IQSEC1: variants seen among roughly 807,000 people sequenced by gnomAD.
IQSEC1 encodes the protein IQ motif and SEC7 domain-containing protein 1.
IQSEC1 carries 31 observed loss-of-function variants against 91.0 expected under a neutral mutation model. That is an observed-to-expected ratio of 0.34 (90% confidence interval 0.26 to 0.46). IQSEC1 has a LOEUF of 0.46. IQSEC1 is among the 20% of genes least tolerant of loss of function. The probability of loss-of-function intolerance (pLI) is 1.00; values close to 1 mark genes in which losing one functional copy is unlikely to be tolerated. For synonymous variants in IQSEC1, 699 were observed against 662.6 expected, an observed-to-expected ratio of 1.05 and a Z score of -0.84; for missense variants, 1,388 against 1,575.6, an observed-to-expected ratio of 0.88 and a Z score of 2.02.
chr3:13,192,604 G>C (rs1399329977), intron 1 of IQSEC1, among the ~76,000 whole-genome samples: 1 of 152,168 alleles, frequency 6.6e-6, no homozygotes, highest in Non-Finnish European at 1.5e-5. Context: ...TGGGAGAGAG[G>C]CCAGGTGAGT....
intron 1 of IQSEC1, among the ~76,000 whole-genome samples, chr3:12,998,142 G>T (rs1373359669): frequency 6.6e-6 from 1 of 152,186 alleles, no homozygotes; most frequent in Non-Finnish European, 1.5e-5. Flanking sequence ...TTGAGGCTAG[G>T]AGTTCAAGAT....
intron 1 of IQSEC1, among the ~76,000 whole-genome samples, chr3:13,266,146 T>A (rs1404826404): frequency 5.3e-5 from 8 of 152,088 alleles, no homozygotes; most frequent in African/African-American, 1.9e-4. Context: ...ATTTTCCATA[T>A]GAGGAAACAC....
At position 12,900,128 on chromosome 3, in the gene IQSEC1, TATA is replaced by T. The variant is rs747856398; in HGVS notation, c.*852_*854del. 3.1e-5 allele frequency: 30 copies of T among 971,176 alleles called. No homozygotes were observed. The South Asian group carries it at 5.7e-4, about 19-fold the overall frequency. The allele number at this position is 971,176 out of a possible 1,614,324, so 60.2% of individuals were successfully genotyped here. A position where few individuals can be genotyped will look rare whatever the true frequency, so the allele number is the denominator to read the frequency against. Reference sequence around the variant, plus strand: ...ATTTGCTTACCTGAAATAACAGCATTATAATACTATTTATGATAGTATTCTGTT... The same window carrying T: ...ATTTGCTTACCTGAAATAACAGCATTATACTATTTATGATAGTATTCTGTT... On this transcript the variant is annotated 3_prime_UTR_variant, in exon 14 of 14. Transcript: ENST00000613206.
At chr3:12,933,559 C>T (rs1471916373) in intron 3 of IQSEC1, among the ~76,000 whole-genome samples, 2 of 152,266 alleles carry the variant, frequency 1.3e-5, no homozygotes, top group Non-Finnish European at 1.5e-5. Context: ...GCTTTACCCT[C>T]ACCGCCCTGG....
intron 1 of IQSEC1, among the ~76,000 whole-genome samples, chr3:12,955,191 A>G (rs1053140682): frequency 1.3e-5 from 2 of 152,224 alleles, no homozygotes; most frequent in African/African-American, 4.8e-5. Context: ...TGCTGAAAAC[A>G]CTGTCCTGCA....
intron 2 of IQSEC1, among the ~76,000 whole-genome samples, chr3:13,151,946 A>T (rs1707007565): frequency 1.3e-5 from 2 of 152,220 alleles, no homozygotes; most frequent in South Asian, 2.1e-4. Flanking sequence ...AGGCTGGGTG[A>T]CAGAAGCGAA....
intron 2 of IQSEC1, among the ~76,000 whole-genome samples, chr3:13,079,214 G>C (rs1026769267): frequency 1.3e-5 from 2 of 152,196 alleles, no homozygotes; most frequent in Non-Finnish European, 2.9e-5. Context: ...GGCAAGCATA[G>C]GCCACTGGCT....
At chr3:13,270,772 G>T (rs1695578882) in intron 1 of IQSEC1, among the ~76,000 whole-genome samples, 1 of 152,174 alleles carries the variant, frequency 6.6e-6, no homozygotes, top group East Asian at 1.9e-4. Flanking sequence ...TGACAAAATT[G>T]TATATATAAA....
At chr3:13,239,996 G>A (rs988680168) in intron 1 of IQSEC1, among the ~76,000 whole-genome samples, 21 of 152,230 alleles carry the variant, frequency 1.4e-4, no homozygotes, top group Middle Eastern at 6.8e-3. Flanking sequence ...GCCACTTTGC[G>A]CGCACTGGAA....
At chr3:13,118,576 T>G (rs958478656) in intron 2 of IQSEC1, among the ~76,000 whole-genome samples, 1 of 152,200 alleles carries the variant, frequency 6.6e-6, no homozygotes, top group African/African-American at 2.4e-5. Flanking sequence ...AAATACTGAA[T>G]GATTTCATTT....
chr3:13,045,777 C>T (rs1221065139), intron 1 of IQSEC1, among the ~76,000 whole-genome samples: 2 of 152,224 alleles, frequency 1.3e-5, no homozygotes, highest in East Asian at 3.8e-4. Context: ...CAGGCTCAGC[C>T]CCTACAGGAG....
At chr3:12,978,812 T>C (rs922155254) in intron 1 of IQSEC1, among the ~76,000 whole-genome samples, 2 of 152,204 alleles carry the variant, frequency 1.3e-5, no homozygotes, top group Admixed American at 6.5e-5. Flanking sequence ...GAATGATTGC[T>C]AGCTGGTGGA....
At chr3:13,027,841 A>G (rs1199050712) in intron 1 of IQSEC1, among the ~76,000 whole-genome samples, 1 of 152,236 alleles carries the variant, frequency 6.6e-6, no homozygotes, top group Admixed American at 6.5e-5. Context: ...CTGATTTTTC[A>G]GATATCAGAA....
At chr3:13,078,908 T>C (rs938642473) in intron 2 of IQSEC1, among the ~76,000 whole-genome samples, 1 of 152,258 alleles carries the variant, frequency 6.6e-6, no homozygotes, top group African/African-American at 2.4e-5. Flanking sequence ...GCCTAATATG[T>C]TTATCTCAAT....
At chr3:13,036,026 G>A (rs1346406579) in intron 1 of IQSEC1, among the ~76,000 whole-genome samples, 2 of 152,170 alleles carry the variant, frequency 1.3e-5, no homozygotes, top group South Asian at 2.1e-4. Flanking sequence ...GGGTGGGTGC[G>A]TGGGCAGGTG....
intron 1 of IQSEC1, among the ~76,000 whole-genome samples, chr3:13,042,012 G>A (rs1379653559): frequency 6.6e-6 from 1 of 152,256 alleles, no homozygotes; most frequent in Non-Finnish European, 1.5e-5. Context: ...CACCCCGGCA[G>A]CAAGGAACAA....
intron 1 of IQSEC1, chr3:13,042,334 A>C (rs1330223231): frequency 6.6e-6 from 1 of 152,204 alleles, no homozygotes; most frequent in African/African-American, 2.4e-5. Flanking sequence ...ACTGCCAGTA[A>C]TCCAGGCAAA....
At chr3:13,143,090 C>T (rs537878449) in intron 2 of IQSEC1, among the ~76,000 whole-genome samples, 11 of 152,354 alleles carry the variant, frequency 7.2e-5, no homozygotes, top group South Asian at 2.1e-4. Context: ...TCATCTGATC[C>T]GAATTGGTCT....
At chr3:12,990,761 T>A (rs1408151120) in intron 1 of IQSEC1, among the ~76,000 whole-genome samples, 1 of 152,176 alleles carries the variant, frequency 6.6e-6, no homozygotes, top group Non-Finnish European at 1.5e-5. Flanking sequence ...GCATCCTACA[T>A]CATTCCAGCT....
Sources: gnomAD v4.1 joint callset for allele counts (sites outside exome capture counted in the v4.1 genomes callset) on GRCh38, gnomAD v4.1.1 for gene constraint, MANE v1.5 for transcripts, NCBI Gene and HGNC (gene_info 2026-07-23, HGNC 2026-07-21) for gene names.